The following MNAT1 variants were observed in gnomAD, a reference collection of about 807,000 sequenced individuals.
MNAT1 encodes CDK-activating kinase assembly factor MAT1.
Under a neutral mutation model 42.0 loss-of-function variants are expected in MNAT1, and 43 were observed. The observed-to-expected ratio is 1.02, with a 90% CI of 0.80 to 1.32. MNAT1 has a LOEUF of 1.32. MNAT1 is among the 40% of genes most tolerant of loss of function. MNAT1 has a pLI of 0.00. For missense variants in MNAT1, 306 were observed against 350.4 expected, an observed-to-expected ratio of 0.87 and a Z score of 1.01; for synonymous variants, 118 against 120.0, an observed-to-expected ratio of 0.98 and a Z score of 0.11.
rs571499116 is a variant in MNAT1, at chr14:60,895,164, C to A, written c.809+15329C>A. On this transcript the variant is annotated intron_variant, in intron 7 of 7. Coordinates refer to ENST00000261245, the MANE Select transcript of MNAT1 (RefSeq NM_002431.4). ...TTGTGGCCTTATACTTAGATATGTG[C>A]CAAAGTAAATCCTAAATTGAGTTCT... is the stretch of plus-strand genomic sequence containing the variant. Among the ~76,000 whole-genome samples, 3 of 152,220 alleles carry A rather than the reference C, an allele frequency of 2.0e-5. No individual in the cohort carries two copies. The East Asian group carries it at 5.8e-4, about 29-fold the overall frequency.
chr14:60,862,816 G>C (rs1168654154), intron 6 of MNAT1, among the ~76,000 whole-genome samples: 1 of 152,084 alleles, frequency 6.6e-6, no homozygotes, highest in East Asian at 1.9e-4. Context: ...AGGATCTTCA[G>C]GATATTTTAT....
intron 7 of MNAT1, among the ~76,000 whole-genome samples, chr14:60,941,656 T>G (rs1007498303): frequency 1.6e-4 from 24 of 151,466 alleles, no homozygotes; most frequent in African/African-American, 5.6e-4. Flanking sequence ...GTGCTAAGAT[T>G]GTGCCACTGT....
At chr14:60,782,119 C>T (rs1226243339) in intron 1 of MNAT1, among the ~76,000 whole-genome samples, 3 of 151,768 alleles carry the variant, frequency 2.0e-5, no homozygotes, top group Non-Finnish European at 4.4e-5. Flanking sequence ...TAACTGGTAA[C>T]TATTTGAGGA....
At chr14:60,814,007 T>G (rs959053193) in intron 5 of MNAT1, among the ~76,000 whole-genome samples, 1 of 152,172 alleles carries the variant, frequency 6.6e-6, no homozygotes, top group Admixed American at 6.5e-5. Flanking sequence ...ACATTATAAC[T>G]GAGATGAGCC....
At chr14:60,795,297 G>C (rs2139325438) in intron 1 of MNAT1, among the ~76,000 whole-genome samples, 1 of 152,246 alleles carries the variant, frequency 6.6e-6, no homozygotes, top group South Asian at 2.1e-4. Flanking sequence ...TTTGTAACCT[G>C]CCTGACTGAG....
At chr14:60,847,664 G>C (rs1007739977) in intron 6 of MNAT1, among the ~76,000 whole-genome samples, 3 of 151,762 alleles carry the variant, frequency 2.0e-5, no homozygotes, top group Non-Finnish European at 4.4e-5. Context: ...TCTTTTTTGT[G>C]TTAAATAGAT....
intron 1 of MNAT1, among the ~76,000 whole-genome samples, chr14:60,793,439 A>G (rs1048020754): frequency 2.0e-5 from 3 of 151,862 alleles, no homozygotes; most frequent in East Asian, 3.9e-4. Context: ...CACAGCTGAC[A>G]GTAACCTTGA....
chr14:60,936,042 C>T (rs1045923258), intron 7 of MNAT1, among the ~76,000 whole-genome samples: 10 of 152,128 alleles, frequency 6.6e-5, no homozygotes, highest in Admixed American at 2.0e-4. Flanking sequence ...GAATCCCAGG[C>T]CACCACACAG....
intron 6 of MNAT1, among the ~76,000 whole-genome samples, chr14:60,843,489 C>T (rs892389751): frequency 2.6e-5 from 4 of 152,138 alleles, no homozygotes; most frequent in Non-Finnish European, 5.9e-5. Flanking sequence ...CCAGGCTGGT[C>T]TCAATCTCCT....
chr14:60,865,849 C>G (rs947529541), intron 6 of MNAT1, among the ~76,000 whole-genome samples: 1 of 151,964 alleles, frequency 6.6e-6, no homozygotes, highest in Non-Finnish European at 1.5e-5. Flanking sequence ...CTTCCATTCC[C>G]TCTTTGTATT....
intron 7 of MNAT1, among the ~76,000 whole-genome samples, chr14:60,885,877 T>C (rs2034657739): frequency 6.6e-6 from 1 of 152,086 alleles, no homozygotes; most frequent in Non-Finnish European, 1.5e-5. Context: ...TGTTTTCTCT[T>C]AAGAATTTTA....
At chr14:60,930,576 T>C (rs1452171748) in intron 7 of MNAT1, among the ~76,000 whole-genome samples, 1 of 152,162 alleles carries the variant, frequency 6.6e-6, no homozygotes, top group Non-Finnish European at 1.5e-5. Context: ...GATTGTCATA[T>C]AAACAAGACA....
At chr14:60,834,854 A>G (rs1454786950) in intron 6 of MNAT1, among the ~76,000 whole-genome samples, 1 of 151,908 alleles carries the variant, frequency 6.6e-6, no homozygotes, top group Non-Finnish European at 1.5e-5. Flanking sequence ...GTGCTCCTAT[A>G]TTGGGTGCAT....
chr14:60,813,013 C>T (rs2032600477), intron 5 of MNAT1, among the ~76,000 whole-genome samples: 2 of 152,214 alleles, frequency 1.3e-5, no homozygotes, highest in South Asian at 4.1e-4. Context: ...CCCTAGGTGA[C>T]AAGGCCAGAA....
At chr14:60,938,507 C>A (rs2036061526) in intron 7 of MNAT1, among the ~76,000 whole-genome samples, 1 of 152,114 alleles carries the variant, frequency 6.6e-6, no homozygotes. Flanking sequence ...GTCGTTGGTT[C>A]TGTTAATATG....
rs537570393 is a variant in MNAT1 at position 60,861,540 on chromosome 14, C to A, written c.688-18174C>A. ...GGTTTTTTTCACCATTAAAAAAAAT[C>A]AGTTTAATATTGAATTATTTTTTTA... On this transcript the variant is annotated intron_variant, in intron 6 of 7. Coordinates refer to ENST00000261245, the MANE Select transcript of MNAT1 (RefSeq NM_002431.4). 5.0e-4 allele frequency among the ~76,000 whole-genome samples: 72 copies of A among 144,406 alleles called. 1 individual carries two copies. Among genetic ancestry groups the A allele is most frequent in the African/African-American group, 1.8e-3 (69 of 39,100 alleles). 94.7% of individuals were successfully genotyped at this position (144,406 alleles called of 152,430 possible). A position where few individuals can be genotyped will look rare whatever the true frequency, so the allele number is the denominator to read the frequency against.
intron 1 of MNAT1, among the ~76,000 whole-genome samples, chr14:60,738,685 G>A (rs771953740): frequency 2.0e-5 from 3 of 151,944 alleles, no homozygotes; most frequent in Non-Finnish European, 2.9e-5. Context: ...ACAGACATGC[G>A]CCACTACCTC....
chr14:60,907,805 A>AAAAT (rs2035241865), intron 7 of MNAT1, among the ~76,000 whole-genome samples: 1 of 150,452 alleles, frequency 6.6e-6, no homozygotes, highest in African/African-American at 2.5e-5. Context: ...AAAAAAAAAA[A>AAAAT]GTTGCTAGAA....
intron 7 of MNAT1, among the ~76,000 whole-genome samples, chr14:60,881,671 GTATA>G (rs2034554521): frequency 6.6e-6 from 1 of 151,870 alleles, no homozygotes; most frequent in African/African-American, 2.4e-5. Flanking sequence ...CACATAGTAG[GTATA>G]TATACAGTGG....
Sources: gnomAD v4.1 joint callset for allele counts (sites outside exome capture counted in the v4.1 genomes callset) on GRCh38, gnomAD v4.1.1 for gene constraint, MANE v1.5 for transcripts, NCBI Gene and HGNC (gene_info 2026-07-23, HGNC 2026-07-21) for gene names.